MDH2: variants seen among roughly 807,000 people sequenced by gnomAD.
MDH2 encodes the protein malate dehydrogenase 2.
A neutral mutation model predicts 33.6 loss-of-function variants in MDH2; 25 were observed. The observed-to-expected ratio is 0.74, with a 90% confidence interval of 0.54 to 1.04. The LOEUF (loss-of-function observed/expected upper bound fraction) is 1.04. Among genes scored for constraint, MDH2 ranks in the 50% least tolerant of loss-of-function variants. MDH2 has a pLI of 0.00. For synonymous variants in MDH2, 193 were observed against 188.7 expected (o/e 1.02, Z -0.19); for missense variants, 432 against 445.0 (o/e 0.97, Z 0.26).
At chr7:76,048,601 TCTC>T (rs1253023296) in intron 1 of MDH2, 4 of 1,298,546 alleles carry the variant, frequency 3.1e-6, no homozygotes, top group African/African-American at 3.1e-5. Context: ...ACGTAGCTAA[TCTC>T]CTTGCAGCAT....
intron 5 of MDH2, among the ~76,000 whole-genome samples, chr7:76,063,236 CA>C (rs1360153124): frequency 2.0e-5 from 3 of 152,234 alleles, no homozygotes; most frequent in African/African-American, 7.2e-5. Context: ...TGCCCATCCA[CA>C]GTGGGCACAA....
At chr7:76,056,560 A>C (rs1363245687) in intron 2 of MDH2, among the ~76,000 whole-genome samples, 1 of 152,244 alleles carries the variant, frequency 6.6e-6, no homozygotes, top group African/African-American at 2.4e-5. Flanking sequence ...TGCATTAAGG[A>C]AAAAGTCAAG....
intron 1 of MDH2, chr7:76,048,987 G>A: frequency 2.7e-5 from 1 of 37,442 alleles, no homozygotes; most frequent in African/African-American, 1.0e-4. Context: ...ACTGCGGGGG[G>A]GGGGGGGGGG....
At chr7:76,064,724 G>A in intron 7 of MDH2, 78 bp from the exon 8 acceptor site, 3 of 1,491,116 alleles carry the variant, frequency 2.0e-6, no homozygotes, top group Non-Finnish European at 2.7e-6. Flanking sequence ...GTGTGCAGGT[G>A]TCTTGGCTGG....
intron 1 of MDH2, chr7:76,048,918 T>G (rs1554584754): frequency 1.0e-6 from 1 of 988,776 alleles, no homozygotes; most frequent in African/African-American, 1.9e-5. Flanking sequence ...CTGCAGTGTG[T>G]CAGAATCACC....
chr7:76,052,372 A>C (rs1460597828), intron 1 of MDH2, among the ~76,000 whole-genome samples: 2 of 148,454 alleles, frequency 1.3e-5, no homozygotes, highest in South Asian at 2.1e-4. Flanking sequence ...CAGAGGTTGC[A>C]GTGAGCCAAG....
rs139870141 is a variant in MDH2, at chr7:76,064,390, C to G, written c.685C>G (p.Arg229Gly). The G allele has an allele frequency of 1.2e-4, 192 of 1,613,416 alleles. No homozygotes were observed. In the African/African-American group the frequency reaches 2.4e-3, roughly 20 times the overall value. ...GGACCAGCTGACAGCACTCACTGGG[C>G]GGATCCAGGAGGCCGGCACGGAGGT... ...PQDQLTALTG[R>G]IQEAGTEVVK... is the part of the protein sequence containing the mutation. The change falls in exon 7 of 9, where the codon CGG becomes GGG. Residue 229 changes from arginine to glycine, a missense_variant. Physicochemically the swap from Arg to Gly is moderately radical, Grantham distance 125 (BLOSUM62 -2). Transcript: ENST00000315758.
chr7:76,058,187 G>T (rs551641554), intron 4 of MDH2, 109 bp downstream of exon 4: 4 of 1,012,694 alleles, frequency 3.9e-6, no homozygotes, highest in South Asian at 3.0e-5. Flanking sequence ...CTGGGGGGAT[G>T]GGGGGATACA....
chr7:76,066,339 A>G lies in MDH2; in HGVS notation c.946A>G (p.Ile316Val), dbSNP rs782820631. 1.2e-6 allele frequency: 2 copies of G among 1,610,604 alleles called. No individual in the cohort carries two copies. Among genetic ancestry groups the G allele is most frequent in the Non-Finnish European group, 1.7e-6 (2 of 1,178,988 alleles). ...AGTCTCCTCTTTTGAGGAGAAGATG[A>G]TCTCGGATGCCATCCCCGAGCTGAA... ...GKVSSFEEKM[I>V]SDAIPELKAS... The change falls in exon 9 of 9, where the codon ATC (isoleucine) becomes GTC (valine). Residue 316 changes from isoleucine to valine, a missense_variant. Coordinates refer to ENST00000315758, the MANE Select transcript of MDH2 (RefSeq NM_005918.4).
chr7:76,058,014 C>G lies in MDH2; in HGVS notation c.365C>G (p.Ala122Gly). Residue 122 changes from alanine to glycine, a missense_variant, in exon 4 of 9, where the codon GCC becomes GGC. Ala to Gly is a moderately conservative substitution (Grantham distance 60). Coordinates refer to ENST00000315758, the MANE Select transcript of MDH2 (RefSeq NM_005918.4). ...DLFNTNATIV[A>G]TLTAACAQHC... ...TTCAACACCAATGCCACGATTGTGG[C>G]CACCCTGACCGCTGCCTGTGCCCAG... The G allele has an allele frequency of 6.2e-7, 1 of 1,614,042 alleles. No homozygotes were observed. The highest frequency in any genetic ancestry group is 8.5e-7 in the Non-Finnish European group (1 of 1,180,040).
At chr7:76,063,088 T>C (rs112950833) in intron 5 of MDH2, among the ~76,000 whole-genome samples, 2,291 of 152,308 alleles carry the variant, frequency 0.015, 56 homozygotes, top group African/African-American at 0.052. Flanking sequence ...AATTTTGTTC[T>C]GTGGGGCCTG....
rs1238470372 is a variant in MDH2, at chr7:76,064,892, GTTCC to G, written c.828_831del (p.Phe277LeufsTer38). The G allele has an allele frequency of 2.5e-6, 4 of 1,614,074 alleles. No homozygotes were observed. The South Asian group carries it at 3.3e-5, about 13-fold the overall frequency. On this transcript the variant is annotated frameshift_variant, in exon 8 of 9. Coordinates refer to ENST00000315758, the MANE Select transcript of MDH2 (RefSeq NM_005918.4). LOFTEE classifies it high-confidence loss of function. The stretch of plus-strand genomic sequence containing the variant: ...AATGGAAAGGAAGGTGTTGTGGAAT[GTTCC>G]TTCGTTAAGTCACAGGAAACGGAAT...
intron 1 of MDH2, among the ~76,000 whole-genome samples, chr7:76,049,934 C>T (rs1208580815): frequency 2.0e-5 from 3 of 152,014 alleles, no homozygotes; most frequent in Admixed American, 1.3e-4. Context: ...CAGGTTGGAG[C>T]GATTCTCCTG....
At chr7:76,065,609 C>T (rs888862028) in intron 8 of MDH2, among the ~76,000 whole-genome samples, 10 of 152,158 alleles carry the variant, frequency 6.6e-5, no homozygotes, top group African/African-American at 1.9e-4. Flanking sequence ...GTCCCCATGT[C>T]GGTGCAGGTG....
At chr7:76,053,207 A>G (rs1055402757) in intron 1 of MDH2, among the ~76,000 whole-genome samples, 1 of 152,172 alleles carries the variant, frequency 6.6e-6, no homozygotes, top group Admixed American at 6.5e-5. Context: ...AGAAGTTTAC[A>G]TTTAGTGAAC....
chr7:76,058,325 C>G, intron 4 of MDH2: 1 of 477,616 alleles, frequency 2.1e-6, no homozygotes. Flanking sequence ...TGTGGGCAGA[C>G]CACGTCTCTC....
rs140818187 is a variant in MDH2, at chr7:76,066,344, G to A, written c.951G>A (p.Ser317=). ...KVSSFEEKMI[S]DAIPELKASI... is the part of the protein sequence containing the mutation. Reference sequence around the variant, plus strand: ...CCTCTTTTGAGGAGAAGATGATCTCGGATGCCATCCCCGAGCTGAAGGCCT... The same window carrying A: ...CCTCTTTTGAGGAGAAGATGATCTCAGATGCCATCCCCGAGCTGAAGGCCT... The change falls in exon 9 of 9, where the codon TCG becomes TCA. Residue 317 remains serine, a synonymous_variant. Coordinates refer to ENST00000315758, the MANE Select transcript of MDH2 (RefSeq NM_005918.4). 1.7e-5 allele frequency: 27 copies of A among 1,610,616 alleles called. No homozygotes were observed. The highest frequency in any genetic ancestry group is 9.5e-5 in the African/African-American group (7 of 73,894).
Position 76,067,178 on chromosome 7 carries a change from G to A in MDH2, c.*768G>A, listed in dbSNP as rs936132039. On this transcript the variant is annotated 3_prime_UTR_variant, in exon 9 of 9. Transcript: ENST00000315758. ...GACTTCTTGTTGTACTGAGGAGTGC[G>A]GAATTAAAGAGATTTGACTCCCTTT... 5.9e-5 allele frequency: 9 copies of A among 152,190 alleles called. No homozygotes were observed. The highest frequency in any genetic ancestry group is 1.3e-4 in the Admixed American group (2 of 15,276). 9.4% of individuals were successfully genotyped at this position (152,190 alleles called of 1,614,324 possible).
At position 76,057,990 on chromosome 7, in the gene MDH2, TCAA is replaced by T; in HGVS notation, c.344_346del (p.Asn115del). ...CCAGGCATGACCCGGGACGACCTGT[TCAA>T]CACCAATGCCACGATTGTGGCCACC... On this transcript the variant is annotated inframe_deletion, in exon 4 of 9. Coordinates refer to ENST00000315758, the MANE Select transcript of MDH2 (RefSeq NM_005918.4). The T allele has an allele frequency of 6.2e-7, 1 of 1,614,146 alleles. No homozygotes were observed. The highest frequency in any genetic ancestry group is 8.5e-7 in the Non-Finnish European group (1 of 1,180,044).
Sources: allele counts gnomAD v4.1 joint callset (sites outside exome capture counted in the v4.1 genomes callset), GRCh38; gene constraint gnomAD v4.1.1; transcripts MANE v1.5; gene names NCBI Gene and HGNC (gene_info 2026-07-23, HGNC 2026-07-21).